JMY: variants seen among roughly 807,000 people sequenced by gnomAD.
JMY encodes junction-mediating and -regulatory protein.
Under a neutral mutation model 103.3 loss-of-function variants are expected in JMY, and 46 were observed. That is an observed-to-expected ratio of 0.45 (90% CI 0.35 to 0.57). The LOEUF (loss-of-function observed/expected upper bound fraction) is 0.57. Among genes scored for constraint, JMY ranks in the 20% least tolerant of loss-of-function variants. The pLI, the probability that JMY is intolerant of heterozygous loss-of-function variation, is 0.00. For missense variants in JMY, 1,238 were observed against 1,255.2 expected, an observed-to-expected ratio of 0.99 and a Z score of 0.21; for synonymous variants, 526 against 489.3, an observed-to-expected ratio of 1.07 and a Z score of -0.99.
intron 1 of JMY, among the ~76,000 whole-genome samples, chr5:79,262,996 T>A (rs939598044): frequency 6.6e-6 from 1 of 152,226 alleles, no homozygotes; most frequent in African/African-American, 2.4e-5. Flanking sequence ...ATTGACCCTG[T>A]AAGAAGAGCC....
chr5:79,271,957 A>G (rs781477712), intron 1 of JMY, among the ~76,000 whole-genome samples: 1 of 151,986 alleles, frequency 6.6e-6, no homozygotes, highest in Non-Finnish European at 1.5e-5. Context: ...CTAAAATACA[A>G]AAAAATTAGC....
chr5:79,270,533 ATAAATATT>A (rs1461000029), intron 1 of JMY, among the ~76,000 whole-genome samples: 1 of 87,772 alleles, frequency 1.1e-5, no homozygotes, highest in African/African-American at 3.5e-5. Flanking sequence ...ATATATTTAC[ATAAATATT>A]TAAAATGTAT....
chr5:79,252,931 G>A (rs1012243221), intron 1 of JMY, among the ~76,000 whole-genome samples: 1 of 152,078 alleles, frequency 6.6e-6, no homozygotes, highest in East Asian at 1.9e-4. Flanking sequence ...CAGTGTTATT[G>A]ATAAGTACCT....
chr5:79,306,299 C>A, intron 6 of JMY, 76 bp from the exon 7 acceptor site: 1 of 1,020,450 alleles, frequency 9.8e-7, no homozygotes, highest in South Asian at 1.4e-5. Flanking sequence ...ATATTAAGAT[C>A]AAAATTTAAC....
intron 1 of JMY, among the ~76,000 whole-genome samples, chr5:79,267,847 G>A (rs1260348389): frequency 6.6e-6 from 1 of 152,222 alleles, no homozygotes; most frequent in African/African-American, 2.4e-5. Context: ...ATAAACTTTA[G>A]TGTGCAGGTT....
intron 7 of JMY, among the ~76,000 whole-genome samples, chr5:79,311,329 C>A (rs1048108232): frequency 6.6e-6 from 1 of 152,042 alleles, no homozygotes; most frequent in African/African-American, 2.4e-5. Flanking sequence ...CCTTACGTCC[C>A]TGCTCATACT....
chr5:79,285,314 A>T (rs1045112570), intron 2 of JMY, among the ~76,000 whole-genome samples: 2 of 151,998 alleles, frequency 1.3e-5, no homozygotes, highest in Non-Finnish European at 2.9e-5. Context: ...CACCCATCAA[A>T]CAAATTAGGA....
intron 1 of JMY, 65 bp downstream of exon 1, chr5:79,237,747 G>A: frequency 6.9e-7 from 1 of 1,453,508 alleles, no homozygotes; most frequent in Non-Finnish European, 9.3e-7. Flanking sequence ...CAAACCAAAG[G>A]CTGGAGCCTC....
Position 79,314,763 on chromosome 5 carries a change from C to T in JMY, c.2571C>T (p.Ala857=). Residue 857 remains alanine, a synonymous_variant, in exon 9 of 11, where the codon GCC becomes GCT. Transcript: ENST00000396137. The part of the protein sequence containing the change: ...NEKRIPKSAS[A]PSAHLFDSSQ... ...AGAGGATCCCAAAGTCAGCCAGTGC[C>T]CCCTCAGCACACCTCTTTGACAGCA... is the stretch of plus-strand genomic sequence containing the variant. The T allele has an allele frequency of 6.2e-7, 1 of 1,613,454 alleles. No homozygotes were observed. Among genetic ancestry groups the T allele is most frequent in the Non-Finnish European group, 8.5e-7 (1 of 1,179,834 alleles).
intron 1 of JMY, among the ~76,000 whole-genome samples, chr5:79,241,476 C>G (rs960699755): frequency 3.9e-5 from 6 of 152,074 alleles, no homozygotes; most frequent in African/African-American, 1.4e-4. Context: ...GAGAAATTTT[C>G]TTTTAGTACT....
In JMY at chr5:79,324,851, T is replaced by C. The variant is rs1049378375; in HGVS notation, c.*3249T>C. On this transcript the variant is annotated 3_prime_UTR_variant, in exon 11 of 11. Coordinates refer to ENST00000396137, the MANE Select transcript of JMY (RefSeq NM_152405.5). ...GAATAGAAATGTAGAGCTTTTCTCA[T>C]AACACAAAACCAGAAAATAATTTTC... is the stretch of plus-strand genomic sequence containing the variant. 1 of 152,642 alleles carries C rather than the reference T, an allele frequency of 6.6e-6. No individual in the cohort carries two copies. The highest frequency in any genetic ancestry group is 2.4e-5 in the African/African-American group (1 of 41,452). 9.5% of individuals were successfully genotyped at this position (152,642 alleles called of 1,614,324 possible).
intron 9 of JMY, among the ~76,000 whole-genome samples, chr5:79,315,276 T>G (rs963001344): frequency 2.6e-5 from 4 of 152,212 alleles, no homozygotes; most frequent in Non-Finnish European, 5.9e-5. Context: ...TTTGTGTATT[T>G]GTATAAAGAA....
At position 79,278,046 on chromosome 5, in the gene JMY, T is replaced by C; in HGVS notation, c.1169T>C (p.Met390Thr). ...TATTTACTACAGCCATTCCGAGACA[T>C]GAGAGAACTTGCCATGCTACGAAGA... ...YQYLLQPFRDMRELAMLRRQQ... is the reference protein window; with the variant it reads ...YQYLLQPFRDTRELAMLRRQQ... Residue 390 changes from methionine (M) to threonine (T), a missense_variant, in exon 2 of 11, where the codon ATG becomes ACG. Transcript: ENST00000396137. The C allele has an allele frequency of 1.2e-6, 2 of 1,613,662 alleles. No homozygotes were observed. Among genetic ancestry groups the C allele is most frequent in the Non-Finnish European group, 1.7e-6 (2 of 1,179,810 alleles).
chr5:79,312,003 G>C (rs1747061808), intron 7 of JMY, among the ~76,000 whole-genome samples: 1 of 152,100 alleles, frequency 6.6e-6, no homozygotes, highest in Non-Finnish European at 1.5e-5. Flanking sequence ...TTTGGGTAGA[G>C]ATAGGGTTTC....
In JMY at chr5:79,300,195, G is replaced by C; in HGVS notation, c.1570G>C (p.Asp524His). Residue 524 changes from aspartate (D) to histidine (H), a missense_variant, in exon 5 of 11, where the codon GAT (aspartate) becomes CAT (histidine). Asp to His is a moderately conservative substitution (Grantham distance 81). Transcript: ENST00000396137. Reference protein sequence around the residue: ...RGGTEAIARLDQLEADYYDLQ... With the variant: ...RGGTEAIARLHQLEADYYDLQ... Reference sequence around the variant, plus strand: ...TGGTACAGAAGCGATAGCACGATTGGATCAGTTAGAAGCTGATTATTATGA... The same window carrying C: ...TGGTACAGAAGCGATAGCACGATTGCATCAGTTAGAAGCTGATTATTATGA... 6.2e-7 allele frequency: 1 copy of C among 1,613,242 alleles called. No homozygotes were observed. Among genetic ancestry groups the C allele is most frequent in the Non-Finnish European group, 8.5e-7 (1 of 1,179,542 alleles).
chr5:79,270,287 AAT>A (rs1016618574), intron 1 of JMY, among the ~76,000 whole-genome samples: 4 of 145,904 alleles, frequency 2.7e-5, no homozygotes, highest in African/African-American at 1.0e-4. Flanking sequence ...GTTTATATAA[AAT>A]ATATATTTAC....
At chr5:79,258,305 G>GTTTTTTTTTTTTTTTTTTT (rs199879072) in intron 1 of JMY, among the ~76,000 whole-genome samples, 2 of 117,026 alleles carry the variant, frequency 1.7e-5, no homozygotes. Context: ...GGCTTTTTTT[G>GTTTTTTTTTTTTTTTTTTT]TTTTTGTTGT....
In JMY at chr5:79,275,222, G is replaced by A. The variant is rs879387980; in HGVS notation, c.1033-2688G>A. Among the ~76,000 whole-genome samples the A allele has an allele frequency of 6.7e-5, 10 of 150,100 alleles. No individual in the cohort carries two copies. The South Asian group carries it at 1.1e-3, about 16-fold the overall frequency. On this transcript the variant is annotated intron_variant, in intron 1 of 10. Transcript: ENST00000396137. The stretch of plus-strand genomic sequence containing the variant: ...GCCCACCAGGCTGGAGTGCAGTGGC[G>A]CGATCTCAGCTCACTGCAAGCTCCG...
chr5:79,305,313 G>A (rs558500869), intron 6 of JMY, among the ~76,000 whole-genome samples: 2 of 152,148 alleles, frequency 1.3e-5, no homozygotes, highest in South Asian at 2.1e-4. Flanking sequence ...TTAGCCAGGC[G>A]TGATGGCATG....
Sources: allele counts gnomAD v4.1 joint callset (sites outside exome capture counted in the v4.1 genomes callset), GRCh38; gene constraint gnomAD v4.1.1; transcripts MANE v1.5; gene names NCBI Gene and HGNC (gene_info 2026-07-23, HGNC 2026-07-21).